The following RNF31 variants were observed in gnomAD, a reference collection of about 807,000 sequenced individuals.
RNF31 encodes the protein E3 ubiquitin-protein ligase RNF31.
In RNF31, 38 loss-of-function variants were observed where a neutral mutation model predicts 133.6. That is an observed-to-expected ratio of 0.28 (90% confidence interval 0.22 to 0.37). The LOEUF is 0.37. Ranked by LOEUF, RNF31 falls within the 10% of genes least tolerant of loss-of-function variation. RNF31 has a pLI of 1.00. For synonymous variants in RNF31, 582 were observed against 552.3 expected, an observed-to-expected ratio of 1.05 and a Z score of -0.75; for missense variants, 1,118 against 1,394.1, an observed-to-expected ratio of 0.80 and a Z score of 3.15.
At position 24,151,684 on chromosome 14, in the gene RNF31, G is replaced by A. The variant is rs1444665776; in HGVS notation, c.1923+14G>A. 1 of 1,609,016 alleles carries A rather than the reference G, an allele frequency of 6.2e-7. No homozygotes were observed. Among genetic ancestry groups the A allele is most frequent in the Admixed American group, 1.7e-5 (1 of 59,982 alleles). On this transcript the variant is annotated intron_variant, in intron 10 of 20. Transcript: ENST00000324103. The surrounding 1 kb of genome is among the most constrained non-coding windows in gnomAD (Gnocchi z 5.3). ...CCAGACAAGCAGGTGCTGGGAGGAG[G>A]CAAGAAGCCCAAGGGTCCACCTAGA... is the stretch of plus-strand genomic sequence containing the variant.
Position 24,147,847 on chromosome 14 carries a change from A to C in RNF31, c.149A>C (p.Gln50Pro). The C allele has an allele frequency of 6.2e-7, 1 of 1,610,224 alleles. No individual in the cohort carries two copies. Among genetic ancestry groups the C allele is most frequent in the African/African-American group, 1.3e-5 (1 of 75,024 alleles). Residue 50 changes from glutamine to proline, a missense_variant, in exon 1 of 21, where the codon CAG becomes CCG. Physicochemically the swap from Gln to Pro is moderately conservative, Grantham distance 76. This residue lies in a region of RNF31 where 747 missense variants were observed against 827.9 expected (regional missense o/e 0.90). Transcript: ENST00000324103. ...CTGCCGCTAGCCGCCCGCTACCTGC[A>C]GCTGGACGCCGCACGCCTTGTCCGC... ...SSLPLAARYL[Q>P]LDAARLVRCN...
Position 24,150,375 on chromosome 14 carries a change from G to C in RNF31, c.1124G>C (p.Arg375Pro). 6.2e-7 allele frequency: 1 copy of C among 1,613,776 alleles called. No homozygotes were observed. The highest frequency in any genetic ancestry group is 8.5e-7 in the Non-Finnish European group (1 of 1,180,006). Residue 375 changes from arginine to proline, a missense_variant, in exon 7 of 21, where the codon CGA becomes CCA. This residue lies in a region of RNF31 where 747 missense variants were observed against 827.9 expected (regional missense o/e 0.90). Coordinates refer to ENST00000324103, the MANE Select transcript of RNF31 (RefSeq NM_017999.5). ...AAAVLCSICE[R>P]PRLAQPPSLV... is the part of the protein sequence containing the mutation. ...GCTGTGCTATGTTCCATATGTGAGC[G>C]ACCTCGGCTGGCCCAGCCTCCCAGC...
In RNF31 at chr14:24,151,145, A is replaced by G. The variant is rs745832155; in HGVS notation, c.1503A>G (p.Ala501=). Residue 501 remains alanine, a synonymous_variant, in exon 9 of 21, where the codon GCA becomes GCG. Coordinates refer to ENST00000324103, the MANE Select transcript of RNF31 (RefSeq NM_017999.5). The surrounding 1 kb of genome is among the most constrained non-coding windows in gnomAD (Gnocchi z 5.3). ...CTGTGCCTTAGGAAGGGGAAGCCGC[A>G]GGTGCCTGTCCAGAGGAGATCTTCT... The part of the protein sequence containing the change: ...LVSMIREGEA[A]GACPEEIFSA... 1.2e-6 allele frequency: 2 copies of G among 1,613,922 alleles called. No individual in the cohort carries two copies. Among genetic ancestry groups the G allele is most frequent in the East Asian group, 2.2e-5 (1 of 44,848 alleles).
intron 5 of RNF31, 65 bp from the exon 6 acceptor site, chr14:24,149,341 C>T: frequency 6.7e-7 from 1 of 1,501,252 alleles, no homozygotes; most frequent in Non-Finnish European, 9.1e-7. Context: ...TTGCCCCCAT[C>T]CACAGCAGAT....
rs1344950914 is a variant in RNF31 at position 24,155,521 on chromosome 14, C to T, written c.2403+9C>T. 1 of 1,614,050 alleles carries T rather than the reference C, an allele frequency of 6.2e-7. No individual in the cohort carries two copies. The highest frequency in any genetic ancestry group is 1.7e-5 in the Admixed American group (1 of 60,022). On this transcript the variant is annotated intron_variant, in intron 13 of 20. Transcript: ENST00000324103. This position sits in a 1 kb window ranked among gnomAD's most constrained non-coding sequence, Gnocchi z 4.9. The stretch of plus-strand genomic sequence containing the variant: ...TCTTGTGGTGTGCCCAGGTAAGTGG[C>T]CTGCCCAGGGCAGCTACTGTGGAGG...
Position 24,159,875 on chromosome 14 carries a change from G to A in RNF31, c.2911G>A (p.Val971Met), listed in dbSNP as rs749622747. The change falls in exon 19 of 21, where the codon GTG becomes ATG. Residue 971 changes from valine to methionine, a missense_variant. Physicochemically the swap from Val to Met is conservative, Grantham distance 21. Around this residue, in one of 3 missense-constraint regions of RNF31, gnomAD observed 170 missense variants for 194.5 expected, o/e 0.87. Transcript: ENST00000324103. ...TCCCTCACCTTTAGGCGGCTGCCGA[G>A]TGATAGAGCAGAAGGAGGTTCCCAA... ...ARAVPGGGCR[V>M]IEQKEVPNGL... 6.2e-7 allele frequency: 1 copy of A among 1,614,118 alleles called. No homozygotes were observed. The highest frequency in any genetic ancestry group is 1.7e-5 in the Admixed American group (1 of 60,036).
chr14:24,154,819 T>A, intron 11 of RNF31: 1 of 353,808 alleles, frequency 2.8e-6, no homozygotes, highest in Admixed American at 4.4e-5. Context: ...AGTTATACCC[T>A]TCTGCCCCCA....
rs765196249 is a variant in RNF31, at chr14:24,157,419, C to T, written c.2608+15C>T. On this transcript the variant is annotated intron_variant, in intron 15 of 20. Coordinates refer to ENST00000324103, the MANE Select transcript of RNF31 (RefSeq NM_017999.5). ...AAACGGCATTGGTAAGGCCTCCCTA[C>T]TCGGCCTGTTTGCTCAGAAGCCTGT... The T allele has an allele frequency of 4.4e-6, 7 of 1,605,430 alleles. No individual in the cohort carries two copies. The East Asian group carries it at 1.1e-4, about 26-fold the overall frequency.
At chr14:24,157,254 A>G (rs759521241) in intron 14 of RNF31, 36 bp from the exon 15 acceptor site, 24 of 1,502,744 alleles carry the variant, frequency 1.6e-5, no homozygotes, top group Middle Eastern at 1.7e-4. Context: ...GGGATGGGAT[A>G]GAGCTCCCAT....
chr14:24,149,111 G>A, intron 5 of RNF31: 1 of 597,478 alleles, frequency 1.7e-6, no homozygotes, highest in Non-Finnish European at 3.0e-6. Context: ...TTACAGGCAT[G>A]CGCCACCGCG....
Position 24,160,006 on chromosome 14 carries a change from AGTG to A in RNF31, c.2996+50_2996+52del, listed in dbSNP as rs1427985187. The A allele has an allele frequency of 6.4e-7, 1 of 1,567,614 alleles. No individual in the cohort carries two copies. Among genetic ancestry groups the A allele is most frequent in the East Asian group, 2.2e-5 (1 of 44,484 alleles). On this transcript the variant is annotated intron_variant, in intron 19 of 20. Coordinates refer to ENST00000324103, the MANE Select transcript of RNF31 (RefSeq NM_017999.5). The surrounding 1 kb of genome is among the most constrained non-coding windows in gnomAD (Gnocchi z 4.0). Reference sequence around the variant, plus strand: ...GGCATGGTGTTGGGCAGTGGGTAGAAGTGGTGAGGGCATGCCCAGGCAGTAAAA... The same window carrying A: ...GGCATGGTGTTGGGCAGTGGGTAGAAGTGAGGGCATGCCCAGGCAGTAAAA...
intron 5 of RNF31, chr14:24,149,112 C>T (rs577681084): frequency 3.2e-5 from 19 of 595,534 alleles, no homozygotes; most frequent in Non-Finnish European, 4.4e-5. Flanking sequence ...TACAGGCATG[C>T]GCCACCGCGC....
chr14:24,158,565 C>G (rs1315165902), intron 18 of RNF31: 1 of 283,040 alleles, frequency 3.5e-6, no homozygotes, highest in African/African-American at 2.2e-5. Flanking sequence ...ACATATGGTT[C>G]TAACCTCTGT....
chr14:24,155,481 T>C lies in RNF31; in HGVS notation c.2372T>C (p.Met791Thr). 5 of 1,614,180 alleles carry C rather than the reference T, an allele frequency of 3.1e-6. No homozygotes were observed. Among genetic ancestry groups the C allele is most frequent in the Non-Finnish European group, 4.2e-6 (5 of 1,180,028 alleles). Reference sequence around the variant, plus strand: ...AAGAAGCTGACCGAGGGTGTGCTGATGCGGGACCCCAAGTTCTTGTGGTGT... The same window carrying C: ...AAGAAGCTGACCGAGGGTGTGCTGACGCGGGACCCCAAGTTCTTGTGGTGT... Reference protein sequence around the residue: ...FHKKLTEGVLMRDPKFLWCAQ... With the variant: ...FHKKLTEGVLTRDPKFLWCAQ... The change falls in exon 13 of 21, where the codon ATG (methionine) becomes ACG (threonine). Residue 791 changes from methionine (M) to threonine (T), a missense_variant. Around this residue, in one of 3 missense-constraint regions of RNF31, gnomAD observed 201 missense variants for 371.7 expected, o/e 0.54. Transcript: ENST00000324103. This position sits in a 1 kb window ranked among gnomAD's most constrained non-coding sequence, Gnocchi z 4.9.
chr14:24,160,348 G>T lies in RNF31; in HGVS notation c.3106G>T (p.Val1036Leu), dbSNP rs76273859. The part of the protein sequence containing the change: ...LETATERYLH[V>L]RPQPLAGEDP... ...GACGGCCACTGAGCGCTACCTGCAC[G>T]TACGCCCCCAGCCTTTGGCTGGAGA... Residue 1036 changes from valine (V) to leucine (L), a missense_variant, in exon 20 of 21, where the codon GTA (valine) becomes TTA (leucine). By Grantham distance (32) the Val-to-Leu change is conservative. Around this residue, in one of 3 missense-constraint regions of RNF31, gnomAD observed 170 missense variants for 194.5 expected, o/e 0.87. Transcript: ENST00000324103. The surrounding 1 kb of genome is among the most constrained non-coding windows in gnomAD (Gnocchi z 4.0). The T allele has an allele frequency of 1.8e-3, 2,848 of 1,614,142 alleles. 29 individuals are homozygous for T. In the African/African-American group the frequency reaches 0.026, roughly 14 times the overall value.
chr14:24,155,544 A>T lies in RNF31; in HGVS notation c.2403+32A>T. ...GGCCTGCCCAGGGCAGCTACTGTGG[A>T]GGGGCAGGGGATGGTTCCAGGTCAG... is the stretch of plus-strand genomic sequence containing the variant. On this transcript the variant is annotated intron_variant, in intron 13 of 20. Transcript: ENST00000324103. This position sits in a 1 kb window ranked among gnomAD's most constrained non-coding sequence, Gnocchi z 4.9. The T allele has an allele frequency of 6.2e-7, 1 of 1,613,204 alleles. No individual in the cohort carries two copies. The highest frequency in any genetic ancestry group is 8.5e-7 in the Non-Finnish European group (1 of 1,179,130).
At chr14:24,159,779 C>T in intron 18 of RNF31, 85 bp from the exon 19 acceptor site, 2 of 1,084,804 alleles carry the variant, frequency 1.8e-6, no homozygotes, top group Non-Finnish European at 2.8e-6. Context: ...TGGAGGCTGC[C>T]TTCCCTGCCT....
At chr14:24,159,059 A>T (rs1255857961) in intron 18 of RNF31, among the ~76,000 whole-genome samples, 11 of 117,934 alleles carry the variant, frequency 9.3e-5, no homozygotes, top group South Asian at 2.7e-4. Flanking sequence ...AAAAAAAAAA[A>T]TGTGGCTGGG....
intron 14 of RNF31, among the ~76,000 whole-genome samples, chr14:24,156,733 C>T (rs150838199): frequency 4.2e-4 from 64 of 151,506 alleles, no homozygotes; most frequent in Non-Finnish European, 8.5e-4. Context: ...GAGCCAAGAT[C>T]ACGCCATTGC....
Sources: allele counts gnomAD v4.1 joint callset (sites outside exome capture counted in the v4.1 genomes callset), GRCh38; gene constraint gnomAD v4.1.1; regional missense constraint gnomAD v4.1.1; non-coding constraint Gnocchi (gnomAD v3.1); transcripts MANE v1.5; gene names NCBI Gene and HGNC (gene_info 2026-07-23, HGNC 2026-07-21).